Variants in BMX observed in about 807,000 individuals in gnomAD.
BMX encodes cytoplasmic tyrosine-protein kinase BMX.
Under a neutral mutation model 59.2 loss-of-function variants are expected in BMX, and 31 were observed. The observed-to-expected ratio is 0.52, with a 90% CI of 0.39 to 0.71. The LOEUF (loss-of-function observed/expected upper bound fraction) is 0.71. Ranked by LOEUF, BMX falls within the 30% of genes least tolerant of loss-of-function variation. The pLI is 0.00. For missense variants in BMX, 474 were observed against 491.7 expected, an observed-to-expected ratio of 0.96 and a Z score of 0.34; for synonymous variants, 185 against 181.0, an observed-to-expected ratio of 1.02 and a Z score of -0.18.
At chrX:15,532,911 T>C (rs1925149979) in intron 11 of BMX, among the ~76,000 whole-genome samples, 2 of 112,791 alleles carry the variant, frequency 1.8e-5, no homozygotes, top group African/African-American at 3.2e-5. Context: ...TGTGGCCTTC[T>C]GGCCCTGCAG....
chrX:15,552,354 A>G (rs1005590791), intron 18 of BMX, among the ~76,000 whole-genome samples: 6 of 111,964 alleles, frequency 5.4e-5, no homozygotes, highest in Non-Finnish European at 1.1e-4. Context: ...CCCGATTTGT[A>G]GATGTATTCT....
At chrX:15,517,115 A>C (rs1419488457) in intron 5 of BMX, among the ~76,000 whole-genome samples, 1 of 111,744 alleles carries the variant, frequency 8.9e-6, no homozygotes, top group Non-Finnish European at 1.9e-5. Flanking sequence ...AATCATGTTA[A>C]TGTTAATACT....
chrX:15,540,086 T>C (rs1925586311), intron 14 of BMX, among the ~76,000 whole-genome samples: 1 of 112,110 alleles, frequency 8.9e-6, no homozygotes, highest in African/African-American at 3.2e-5. Context: ...ACTGGGTATA[T>C]ATTCAAAGGA....
At chrX:15,547,421 TC>T (rs1925996440) in intron 17 of BMX, among the ~76,000 whole-genome samples, 1 of 112,524 alleles carries the variant, frequency 8.9e-6, no homozygotes, top group Non-Finnish European at 1.9e-5. Flanking sequence ...GCTGACCAAT[TC>T]TTAGTGTAAA....
chrX:15,522,151 T>C (rs1236932493), intron 6 of BMX, among the ~76,000 whole-genome samples, 195 bp from the exon 7 acceptor site: 1 of 110,951 alleles, frequency 9.0e-6, no homozygotes, highest in African/African-American at 3.3e-5. Context: ...AAATATGAGT[T>C]CCAGTTGCTC....
chrX:15,513,327 G>T (rs1288371470), intron 4 of BMX, among the ~76,000 whole-genome samples: 1 of 111,915 alleles, frequency 8.9e-6, no homozygotes, highest in Non-Finnish European at 1.9e-5. Context: ...TTGTGCTTAT[G>T]TCACATCATC....
At chrX:15,518,444 C>T (rs766500299) in intron 6 of BMX, among the ~76,000 whole-genome samples, 19 of 111,424 alleles carry the variant, frequency 1.7e-4, no homozygotes, top group African/African-American at 5.5e-4. Context: ...CTCCATTATC[C>T]CTTCAAAGCT....
At chrX:15,546,717 G>T in intron 16 of BMX, 86 bp from the exon 17 acceptor site, 1 of 723,193 alleles carries the variant, frequency 1.4e-6, no homozygotes, top group Non-Finnish European at 2.1e-6. Flanking sequence ...TGAGGCAATC[G>T]ACTGAGACTC....
chrX:15,536,055 TA>T (rs1925322096), intron 12 of BMX, among the ~76,000 whole-genome samples: 1 of 112,198 alleles, frequency 8.9e-6, no homozygotes, highest in Non-Finnish European at 1.9e-5. Context: ...CATAAGATTG[TA>T]AAGAGATAGC....
At chrX:15,510,593 C>T (rs1219350615) in intron 3 of BMX, among the ~76,000 whole-genome samples, 1 of 111,644 alleles carries the variant, frequency 9.0e-6, no homozygotes, top group African/African-American at 3.3e-5. Flanking sequence ...GCTGCAAACT[C>T]ACCTCATAGA....
At chrX:15,533,194 T>G (rs140060178) in intron 11 of BMX, among the ~76,000 whole-genome samples, 5 of 112,330 alleles carry the variant, frequency 4.5e-5, no homozygotes, top group Admixed American at 9.5e-5. Context: ...TTTTTAATTT[T>G]TTAGCTTTTA....
At chrX:15,517,026 T>C (rs1924190602) in intron 5 of BMX, among the ~76,000 whole-genome samples, 1 of 111,745 alleles carries the variant, frequency 8.9e-6, no homozygotes. Context: ...AGCTACAAAA[T>C]AGAACTTCAT....
chrX:15,522,246 C>T (rs1367130353), intron 6 of BMX, 100 bp from the exon 7 acceptor site: 148 of 1,001,840 alleles, frequency 1.5e-4, no homozygotes, highest in Non-Finnish European at 1.9e-4. Context: ...TTCTCTCCTT[C>T]CTTTCTCTCT....
intron 6 of BMX, among the ~76,000 whole-genome samples, chrX:15,520,689 C>G (rs1303644304): frequency 9.0e-6 from 1 of 111,381 alleles, no homozygotes; most frequent in Non-Finnish European, 1.9e-5. Flanking sequence ...CCAAATGAAC[C>G]AGGGATCAGA....
chrX:15,505,657 T>C (rs973813469), intron 1 of BMX, among the ~76,000 whole-genome samples: 29 of 112,089 alleles, frequency 2.6e-4, no homozygotes, highest in Non-Finnish European at 3.8e-4. Context: ...GATTTTGAAA[T>C]GAACAATTAT....
chrX:15,523,649 C>T (rs945093205), intron 7 of BMX, among the ~76,000 whole-genome samples: 1 of 111,475 alleles, frequency 9.0e-6, no homozygotes, highest in African/African-American at 3.3e-5. Context: ...AGGAGAGGAT[C>T]AGTAAACCCA....
rs1925975802 is a variant in BMX, at chrX:15,546,932, G to A, written c.1795+11G>A. On this transcript the variant is annotated intron_variant, in intron 17 of 18. Coordinates refer to ENST00000348343, the MANE Select transcript of BMX (RefSeq NM_203281.3). ...ACGTATGGGCATTTGGTAAGGATGT[G>A]GCCACATACGACCTGGCCCTGTTTC... is the stretch of plus-strand genomic sequence containing the variant. The A allele has an allele frequency of 8.6e-7, 1 of 1,160,595 alleles. No homozygotes were observed. The highest frequency in any genetic ancestry group is 1.2e-6 in the Non-Finnish European group (1 of 852,234).
At chrX:15,507,380 C>A (rs1048391590) in intron 1 of BMX, 109 of 753,269 alleles carry the variant, frequency 1.4e-4, no homozygotes, top group Non-Finnish European at 1.6e-4. Context: ...TAAGGACCCA[C>A]ATGTATACTT....
At chrX:15,555,710 T>A (rs986597598) in intron 18 of BMX, among the ~76,000 whole-genome samples, 2 of 111,973 alleles carry the variant, frequency 1.8e-5, no homozygotes, top group African/African-American at 6.5e-5. Context: ...ATGTTAATTT[T>A]ATATCCTGCT....
Sources: gnomAD v4.1 joint callset for allele counts (sites outside exome capture counted in the v4.1 genomes callset) on GRCh38, gnomAD v4.1.1 for gene constraint, MANE v1.5 for transcripts, NCBI Gene and HGNC (gene_info 2026-07-23, HGNC 2026-07-21) for gene names.